Variants in ZDHHC2 observed in about 807,000 individuals in gnomAD.
ZDHHC2 encodes the protein zDHHC palmitoyltransferase 2.
A neutral mutation model predicts 55.6 loss-of-function variants in ZDHHC2; 51 were observed. The observed-to-expected ratio is 0.92, with a 90% CI of 0.73 to 1.16. ZDHHC2 has a LOEUF of 1.16. Ranked by LOEUF, ZDHHC2 falls within the 50% of genes most tolerant of loss-of-function variation. ZDHHC2 has a pLI of 0.00. For synonymous variants in ZDHHC2, 199 were observed against 152.9 expected (o/e 1.30, Z -2.22); for missense variants, 491 against 442.4 (o/e 1.11, Z -0.99).
intron 6 of ZDHHC2, among the ~76,000 whole-genome samples, chr8:17,202,029 A>C (rs932586414): frequency 6.6e-6 from 1 of 152,054 alleles, no homozygotes. Flanking sequence ...CTATCAAAGT[A>C]TTTTTTTCCT....
In ZDHHC2 at chr8:17,156,703, G is replaced by A; in HGVS notation, c.-21G>A. Reference sequence around the variant, plus strand: ...GGCCCGCGGGCGGCGGCGGAGCTGGGCAGGTGGATGCGGCTGGAAGATGGC... The same window carrying A: ...GGCCCGCGGGCGGCGGCGGAGCTGGACAGGTGGATGCGGCTGGAAGATGGC... On this transcript the variant is annotated 5_prime_UTR_variant, in exon 1 of 13. Coordinates refer to ENST00000262096, the MANE Select transcript of ZDHHC2 (RefSeq NM_016353.5). The A allele has an allele frequency of 2.1e-6, 3 of 1,435,570 alleles. No individual in the cohort carries two copies. The highest frequency in any genetic ancestry group is 1.3e-5 in the South Asian group (1 of 74,640). 88.9% of individuals were successfully genotyped at this position (1,435,570 alleles called of 1,614,324 possible).
chr8:17,156,508 C>T lies in ZDHHC2; in HGVS notation c.-216C>T. Reference sequence around the variant, plus strand: ...CCTCCTCGGCCTCCGCTCGCAGCCGCCGCCTCCGCCTCCGCCGGGCTGAGG... The same window carrying T: ...CCTCCTCGGCCTCCGCTCGCAGCCGTCGCCTCCGCCTCCGCCGGGCTGAGG... On this transcript the variant is annotated 5_prime_UTR_variant, in exon 1 of 13. Transcript: ENST00000262096. The T allele has an allele frequency of 5.6e-6, 1 of 179,370 alleles. No homozygotes were observed. The highest frequency in any genetic ancestry group is 1.7e-4 in the South Asian group (1 of 6,028). 11.1% of individuals were successfully genotyped at this position (179,370 alleles called of 1,614,324 possible).
intron 1 of ZDHHC2, among the ~76,000 whole-genome samples, chr8:17,164,415 C>G (rs2150879484): frequency 6.6e-6 from 1 of 152,124 alleles, no homozygotes. Flanking sequence ...TTATGGATGG[C>G]TGGGTTTTAT....
intron 3 of ZDHHC2, among the ~76,000 whole-genome samples, chr8:17,192,228 C>T (rs566230151): frequency 6.6e-6 from 1 of 152,290 alleles, no homozygotes; most frequent in African/African-American, 2.4e-5. Context: ...TCGAATGGTC[C>T]TCCCGCTTTG....
chr8:17,179,565 C>T (rs955549875), intron 1 of ZDHHC2, among the ~76,000 whole-genome samples: 1 of 152,012 alleles, frequency 6.6e-6, no homozygotes, highest in African/African-American at 2.4e-5. Context: ...AGTGCCACCA[C>T]ACCCAGCTAA....
intron 3 of ZDHHC2, among the ~76,000 whole-genome samples, chr8:17,189,985 T>C (rs1377226708): frequency 6.6e-6 from 1 of 152,176 alleles, no homozygotes; most frequent in East Asian, 1.9e-4. Context: ...GGACACTTTC[T>C]TTTCACTACA....
Position 17,199,612 on chromosome 8 carries a change from C to CTTCCTCTTCTTCCT in ZDHHC2, c.476+1202_476+1203insCTCTTCTTCCTTTC, listed in dbSNP as rs1554466230. Among the ~76,000 whole-genome samples the CTTCCTCTTCTTCCT allele has an allele frequency of 3.1e-3, 214 of 68,912 alleles. 8 individuals are homozygous for CTTCCTCTTCTTCCT. Among genetic ancestry groups the CTTCCTCTTCTTCCT allele is most frequent in the African/African-American group, 8.3e-3 (204 of 24,478 alleles). 45.2% of individuals were successfully genotyped at this position (68,912 alleles called of 152,430 possible). A position where few individuals can be genotyped will look rare whatever the true frequency, so the allele number is the denominator to read the frequency against. The stretch of plus-strand genomic sequence containing the variant: ...TCTTTCTTCTTCTTTATTCTTTCTT[C>CTTCCTCTTCTTCCT]TTCTTCTTCTTCCTTTCTTCTTCTT... On this transcript the variant is annotated intron_variant, in intron 6 of 12. Coordinates refer to ENST00000262096, the MANE Select transcript of ZDHHC2 (RefSeq NM_016353.5).
At chr8:17,163,676 C>T (rs1374189883) in intron 1 of ZDHHC2, among the ~76,000 whole-genome samples, 1 of 152,112 alleles carries the variant, frequency 6.6e-6, no homozygotes, top group Non-Finnish European at 1.5e-5. Flanking sequence ...TCATGGGTCC[C>T]CTGAGATTCC....
chr8:17,196,200 A>G (rs571782252), intron 4 of ZDHHC2, among the ~76,000 whole-genome samples: 9 of 152,252 alleles, frequency 5.9e-5, no homozygotes, highest in South Asian at 4.2e-4. Context: ...AAACTGATGT[A>G]TATGGACTAG....
At chr8:17,213,135 G>C (rs1298729686) in intron 10 of ZDHHC2, among the ~76,000 whole-genome samples, 1 of 152,098 alleles carries the variant, frequency 6.6e-6, no homozygotes, top group Non-Finnish European at 1.5e-5. Context: ...ATCTCAGTGA[G>C]CTGTGTCTTC....
At chr8:17,188,721 G>A (rs1299573200) in intron 3 of ZDHHC2, among the ~76,000 whole-genome samples, 1 of 152,070 alleles carries the variant, frequency 6.6e-6, no homozygotes, top group Non-Finnish European at 1.5e-5. Flanking sequence ...ATATTAGCCT[G>A]GTGCTTGCTA....
intron 1 of ZDHHC2, among the ~76,000 whole-genome samples, chr8:17,174,108 T>TTA (rs1168069068): frequency 6.6e-6 from 1 of 151,632 alleles, no homozygotes; most frequent in African/African-American, 2.4e-5. Context: ...TTTTTTTTTT[T>TTA]TAACAAGGTC....
intron 4 of ZDHHC2, 129 bp downstream of exon 4, chr8:17,195,753 T>G (rs1052780654): frequency 1.2e-5 from 15 of 1,264,934 alleles, no homozygotes; most frequent in Middle Eastern, 2.2e-4. Flanking sequence ...TTTCTTGGAT[T>G]GCTGTTAAAT....
intron 1 of ZDHHC2, among the ~76,000 whole-genome samples, chr8:17,163,654 G>A (rs907886789): frequency 2.0e-5 from 3 of 152,130 alleles, no homozygotes; most frequent in African/African-American, 7.2e-5. Context: ...TCTTCTCCAG[G>A]AAGTGGTGTA....
At chr8:17,156,991 G>A (rs1021385323) in intron 1 of ZDHHC2, 138 bp downstream of exon 1, 87 of 771,376 alleles carry the variant, frequency 1.1e-4, no homozygotes, top group Non-Finnish European at 1.5e-4. Flanking sequence ...CGCCGGCTCC[G>A]CCGCTAAAAG....
At chr8:17,167,771 A>G (rs1804676811) in intron 1 of ZDHHC2, among the ~76,000 whole-genome samples, 1 of 152,204 alleles carries the variant, frequency 6.6e-6, no homozygotes, top group African/African-American at 2.4e-5. Flanking sequence ...ATCCTCATAT[A>G]TCTATAATAA....
intron 1 of ZDHHC2, among the ~76,000 whole-genome samples, chr8:17,167,291 C>CTT (rs869296432): frequency 7.3e-6 from 1 of 137,562 alleles, no homozygotes; most frequent in South Asian, 2.3e-4. Flanking sequence ...GCTGGTAATA[C>CTT]TTTTTTTTTT....
intron 1 of ZDHHC2, among the ~76,000 whole-genome samples, chr8:17,161,875 TA>T (rs1015153372): frequency 6.6e-6 from 1 of 151,942 alleles, no homozygotes; most frequent in Non-Finnish European, 1.5e-5. Context: ...AAATAAAAAA[TA>T]AAAAAAAGAA....
At chr8:17,190,322 C>T (rs1054735004) in intron 3 of ZDHHC2, among the ~76,000 whole-genome samples, 1 of 151,734 alleles carries the variant, frequency 6.6e-6, no homozygotes, top group African/African-American at 2.4e-5. Flanking sequence ...TGTGATCTCA[C>T]GTAATTTTTT....
Sources: allele counts gnomAD v4.1 joint callset (sites outside exome capture counted in the v4.1 genomes callset), GRCh38; gene constraint gnomAD v4.1.1; transcripts MANE v1.5; gene names NCBI Gene and HGNC (gene_info 2026-07-23, HGNC 2026-07-21).